RORA: variants seen among roughly 807,000 people sequenced by gnomAD.
The protein encoded by RORA is RAR related orphan receptor A, also known as nuclear receptor ROR-alpha.
In RORA, 7 loss-of-function variants were observed where a neutral mutation model predicts 69.5. The ratio of observed to expected loss-of-function variants is 0.10; its 90% CI spans 0.06 to 0.19. The LOEUF is 0.19. RORA is among the 10% of genes least tolerant of loss of function. RORA has a pLI of 1.00. For missense variants in RORA, 457 were observed against 663.0 expected, an observed-to-expected ratio of 0.69 and a Z score of 3.41; for synonymous variants, 261 against 240.8, an observed-to-expected ratio of 1.08 and a Z score of -0.78.
chr15:60,617,509 C>T (rs1046345209), intron 2 of RORA, among the ~76,000 whole-genome samples: 1 of 152,102 alleles, frequency 6.6e-6, no homozygotes, highest in Non-Finnish European at 1.5e-5. Flanking sequence ...TAGACTCCCC[C>T]GGAGGGACTG....
At chr15:60,752,981 C>G (rs551735232) in intron 1 of RORA, among the ~76,000 whole-genome samples, 4 of 152,234 alleles carry the variant, frequency 2.6e-5, no homozygotes, top group Admixed American at 6.5e-5. Flanking sequence ...TTCAAAACAA[C>G]AAGAAGAATG....
chr15:60,661,007 T>C (rs1158691910), intron 2 of RORA, among the ~76,000 whole-genome samples: 1 of 148,340 alleles, frequency 6.7e-6, no homozygotes, highest in Non-Finnish European at 1.5e-5. Context: ...CTGTAATCCA[T>C]AATAAGGGCG....
intron 1 of RORA, among the ~76,000 whole-genome samples, chr15:60,888,714 T>C (rs2073778956): frequency 6.6e-6 from 1 of 152,216 alleles, no homozygotes. Flanking sequence ...CAAGATTCTC[T>C]TTCCCTTTAA....
intron 1 of RORA, among the ~76,000 whole-genome samples, chr15:61,002,161 G>A (rs987869766): frequency 2.0e-5 from 3 of 152,234 alleles, no homozygotes; most frequent in African/African-American, 7.2e-5. Context: ...CATCTAGGAA[G>A]GAGGACTTAG....
At chr15:61,169,141 G>C (rs910254548) in intron 1 of RORA, among the ~76,000 whole-genome samples, 1 of 151,932 alleles carries the variant, frequency 6.6e-6, no homozygotes, top group African/African-American at 2.4e-5. Context: ...TGGCCCCAGG[G>C]ATCCCCTAGC....
At chr15:60,614,470 T>C (rs1212268333) in intron 2 of RORA, among the ~76,000 whole-genome samples, 1 of 152,086 alleles carries the variant, frequency 6.6e-6, no homozygotes, top group African/African-American at 2.4e-5. Flanking sequence ...GTTGATTCTT[T>C]TGGAGTGTTT....
chr15:61,146,989 G>A (rs2079355635), intron 1 of RORA, among the ~76,000 whole-genome samples: 1 of 151,540 alleles, frequency 6.6e-6, no homozygotes, highest in African/African-American at 2.4e-5. Context: ...GCTTTCACAA[G>A]AAAACCCTCT....
At chr15:60,698,381 T>C (rs1299656264) in intron 1 of RORA, among the ~76,000 whole-genome samples, 4 of 152,214 alleles carry the variant, frequency 2.6e-5, no homozygotes, top group African/African-American at 9.7e-5. Context: ...CTCGTTGACA[T>C]GGCACTGTGA....
chr15:60,978,165 ACAT>A (rs1893932050), intron 1 of RORA, among the ~76,000 whole-genome samples: 2 of 151,914 alleles, frequency 1.3e-5, no homozygotes, highest in East Asian at 1.9e-4. Context: ...AAGATCATCA[ACAT>A]CATCATCATC....
At chr15:60,533,682 G>C (rs1354861073) in intron 2 of RORA, among the ~76,000 whole-genome samples, 1 of 152,184 alleles carries the variant, frequency 6.6e-6, no homozygotes, top group African/African-American at 2.4e-5. Context: ...GAGAGTTATT[G>C]CCTGCTTTTC....
intron 1 of RORA, among the ~76,000 whole-genome samples, chr15:61,043,804 C>A (rs1323582071): frequency 2.0e-5 from 3 of 152,108 alleles, no homozygotes; most frequent in Non-Finnish European, 4.4e-5. Flanking sequence ...GTCCCCAACT[C>A]CTCTAACCTG....
At chr15:60,765,106 G>A (rs1052937838) in intron 1 of RORA, 1 of 151,618 alleles carries the variant, frequency 6.6e-6, no homozygotes, top group African/African-American at 2.4e-5. Flanking sequence ...TAGAAGTAAG[G>A]GTGTCTTTAT....
At chr15:60,847,700 T>C (rs11630869) in intron 1 of RORA, 98 of 152,244 alleles carry the variant, frequency 6.4e-4, no homozygotes, top group African/African-American at 2.2e-3. Context: ...TAAAATATCG[T>C]ATTAATAAGT....
chr15:60,697,443 C>A (rs1312242324), intron 1 of RORA, among the ~76,000 whole-genome samples: 1 of 152,184 alleles, frequency 6.6e-6, no homozygotes, highest in African/African-American at 2.4e-5. Flanking sequence ...ACCCTAAACA[C>A]AACCTTTTTA....
chr15:60,695,626 T>G (rs1383425713), intron 1 of RORA, among the ~76,000 whole-genome samples: 1 of 152,094 alleles, frequency 6.6e-6, no homozygotes, highest in East Asian at 1.9e-4. Context: ...AAACAAGTCA[T>G]CACCCTGATG....
At chr15:60,816,730 A>G (rs898785525) in intron 1 of RORA, among the ~76,000 whole-genome samples, 34 of 151,548 alleles carry the variant, frequency 2.2e-4, no homozygotes, top group African/African-American at 6.0e-4. Context: ...AACTTAAAGT[A>G]TAATAAAAAA....
Position 60,925,563 on chromosome 15 carries a change from A to G in RORA, c.167-246877T>C, listed in dbSNP as rs578243826. Among the ~76,000 whole-genome samples, 5 of 152,290 alleles carry G rather than the reference A, an allele frequency of 3.3e-5. No individual in the cohort carries two copies. In the East Asian group the frequency reaches 7.7e-4, roughly 24 times the overall value. ...GCTGTCCTCAGAGGGGAGTCAGGGAATCCCCAGCGGGGCTGTCATGGAGCT... is the reference window on the plus strand; with the variant it reads ...GCTGTCCTCAGAGGGGAGTCAGGGAGTCCCCAGCGGGGCTGTCATGGAGCT... On this transcript the variant is annotated intron_variant, in intron 1 of 10. Transcript: ENST00000335670.
intron 1 of RORA, among the ~76,000 whole-genome samples, chr15:61,108,062 G>T (rs2140772891): frequency 6.6e-6 from 1 of 152,256 alleles, no homozygotes; most frequent in African/African-American, 2.4e-5. Context: ...ATTCTGCAAA[G>T]CCCTCACTGC....
chr15:60,753,532 C>T (rs2071757083), intron 1 of RORA, among the ~76,000 whole-genome samples: 1 of 152,222 alleles, frequency 6.6e-6, no homozygotes, highest in African/African-American at 2.4e-5. Flanking sequence ...TCCCTTATCA[C>T]ATGTGAATTT....
Sources: gnomAD v4.1 joint callset for allele counts (sites outside exome capture counted in the v4.1 genomes callset) on GRCh38, gnomAD v4.1.1 for gene constraint, MANE v1.5 for transcripts, NCBI Gene and HGNC (gene_info 2026-07-23, HGNC 2026-07-21) for gene names.